Variants in MYO9A observed in about 807,000 individuals in gnomAD.
MYO9A encodes unconventional myosin-IXa.
In MYO9A, 103 loss-of-function variants were observed where a neutral mutation model predicts 293.3. The observed-to-expected ratio is 0.35, with a 90% confidence interval of 0.30 to 0.41. The LOEUF is 0.41. Among genes scored for constraint, MYO9A ranks in the 10% least tolerant of loss-of-function variants. MYO9A has a pLI of 1.00. For synonymous variants in MYO9A, 1,001 were observed against 1,035.7 expected, an observed-to-expected ratio of 0.97 and a Z score of 0.64; for missense variants, 2,685 against 3,033.0, an observed-to-expected ratio of 0.89 and a Z score of 2.69.
chr15:72,066,878 A>G (rs1172899357), intron 1 of MYO9A, among the ~76,000 whole-genome samples: 2 of 152,142 alleles, frequency 1.3e-5, no homozygotes, highest in Non-Finnish European at 1.5e-5. Flanking sequence ...CCGTCTCAAA[A>G]AAAAGAAAAC....
intron 8 of MYO9A, 145 bp downstream of exon 8, chr15:72,007,681 C>T: frequency 5.3e-6 from 4 of 758,714 alleles, no homozygotes; most frequent in Non-Finnish European, 7.7e-6. Flanking sequence ...AAAATTAGAT[C>T]TTTTGGAAAT....
At chr15:72,030,896 C>T (rs1260485365) in intron 3 of MYO9A, among the ~76,000 whole-genome samples, 1 of 152,130 alleles carries the variant, frequency 6.6e-6, no homozygotes, top group African/African-American at 2.4e-5. Context: ...GCCCCAACCC[C>T]CAGGGCATGG....
At chr15:72,066,294 C>G (rs1163134267) in intron 1 of MYO9A, among the ~76,000 whole-genome samples, 1 of 152,010 alleles carries the variant, frequency 6.6e-6, no homozygotes, top group Non-Finnish European at 1.5e-5. Flanking sequence ...CAAGACCATC[C>G]TAGCCAACAT....
Position 71,852,717 on chromosome 15 carries a change from T to C in MYO9A, c.6347-457A>G, listed in dbSNP as rs2055706514. The stretch of plus-strand genomic sequence containing the variant: ...ACCTATTTTCCACAATGTAATTCCA[T>C]GCTTTGGAACTGTGCTTCTAACTGT... On this transcript the variant is annotated intron_variant, in intron 35 of 41. Transcript: ENST00000356056. Among the ~76,000 whole-genome samples the C allele has an allele frequency of 2.6e-5, 4 of 152,226 alleles. No individual in the cohort carries two copies. The South Asian group carries it at 6.2e-4, about 24-fold the overall frequency.
chr15:71,980,007 C>G (rs2076234327), intron 11 of MYO9A, among the ~76,000 whole-genome samples: 1 of 152,000 alleles, frequency 6.6e-6, no homozygotes, highest in African/African-American at 2.4e-5. Context: ...CTTGTTCACC[C>G]ATTCTACTTT....
Position 72,114,790 on chromosome 15 carries a change from G to A in MYO9A, c.-72+2890C>T, listed in dbSNP as rs147200801. Among the ~76,000 whole-genome samples the A allele has an allele frequency of 5.6e-4, 86 of 152,282 alleles. 1 individual carries two copies. In the East Asian group the frequency reaches 0.011, roughly 20 times the overall value. ...GGAATCAATACATTAAGTCAATATT[G>A]TGGTTTTTAAAATGTCTGAAAAGTC... On this transcript the variant is annotated intron_variant, in intron 1 of 41. Coordinates refer to ENST00000356056, the MANE Select transcript of MYO9A (RefSeq NM_006901.4).
At chr15:72,035,628 C>T (rs1172214808) in intron 2 of MYO9A, among the ~76,000 whole-genome samples, 1 of 151,960 alleles carries the variant, frequency 6.6e-6, no homozygotes, top group Non-Finnish European at 1.5e-5. Context: ...CATAGGGAGA[C>T]CTCATCTCTA....
At chr15:71,978,030 C>A in intron 12 of MYO9A, 141 bp downstream of exon 12, 1 of 940,508 alleles carries the variant, frequency 1.1e-6, no homozygotes. Context: ...GATCAAGACT[C>A]CGTCTCAAAA....
intron 28 of MYO9A, among the ~76,000 whole-genome samples, chr15:71,882,000 A>G (rs1223889330): frequency 6.6e-6 from 1 of 152,192 alleles, no homozygotes; most frequent in Non-Finnish European, 1.5e-5. Flanking sequence ...ATAGAAGCAA[A>G]GCCATAAGAT....
At chr15:72,020,253 C>T (rs1440662894) in intron 5 of MYO9A, among the ~76,000 whole-genome samples, 1 of 151,910 alleles carries the variant, frequency 6.6e-6, no homozygotes, top group African/African-American at 2.4e-5. Flanking sequence ...TTACTAATTC[C>T]ATTAGTGCTG....
intron 32 of MYO9A, among the ~76,000 whole-genome samples, chr15:71,870,060 G>A (rs987271535): frequency 6.6e-6 from 1 of 152,146 alleles, no homozygotes; most frequent in Non-Finnish European, 1.5e-5. Flanking sequence ...ATAATGAAAT[G>A]TGAACATATG....
intron 1 of MYO9A, among the ~76,000 whole-genome samples, chr15:72,098,026 AAAGAT>A (rs1334564777): frequency 6.6e-6 from 1 of 152,190 alleles, no homozygotes. Flanking sequence ...TCAGTATAAA[AAAGAT>A]GAGTGGGCAT....
intron 11 of MYO9A, among the ~76,000 whole-genome samples, chr15:71,989,753 T>G (rs2076490870): frequency 6.6e-6 from 1 of 151,212 alleles, no homozygotes; most frequent in Admixed American, 6.6e-5. Flanking sequence ...AGGCCAGGAG[T>G]GGTAGTTCCT....
In MYO9A at chr15:72,046,344, A is replaced by AT. The variant is rs761600255; in HGVS notation, c.219dup (p.Trp74MetfsTer40). ...GGACAATCTGTTGGATTGAGAATCC[A>AT]TTCTTCTCCACCAAATTCCTTTACC... On this transcript the variant is annotated frameshift_variant, in exon 2 of 42. Coordinates refer to ENST00000356056, the MANE Select transcript of MYO9A (RefSeq NM_006901.4). LOFTEE classifies it high-confidence loss of function. The AT allele has an allele frequency of 6.2e-7, 1 of 1,614,008 alleles. No homozygotes were observed. Among genetic ancestry groups the AT allele is most frequent in the South Asian group, 1.1e-5 (1 of 91,086 alleles).
intron 13 of MYO9A, among the ~76,000 whole-genome samples, chr15:71,962,582 G>T (rs1254153294): frequency 6.6e-6 from 1 of 152,138 alleles, no homozygotes; most frequent in Non-Finnish European, 1.5e-5. Flanking sequence ...AACTACTGAT[G>T]GCAGACAAGC....
At chr15:72,100,533 G>A (rs916591163) in intron 1 of MYO9A, among the ~76,000 whole-genome samples, 4 of 145,420 alleles carry the variant, frequency 2.8e-5, no homozygotes, top group Non-Finnish European at 3.0e-5. Flanking sequence ...CTTTCCGGCC[G>A]CCATCACATC....
intron 1 of MYO9A, among the ~76,000 whole-genome samples, chr15:72,089,873 G>C (rs1354231329): frequency 6.6e-6 from 1 of 152,086 alleles, no homozygotes; most frequent in Non-Finnish European, 1.5e-5. Context: ...TCTGGGTTTT[G>C]GTCCTTTTTA....
intron 19 of MYO9A, among the ~76,000 whole-genome samples, chr15:71,915,211 T>TA (rs1390035453): frequency 6.6e-6 from 1 of 152,104 alleles, no homozygotes; most frequent in East Asian, 1.9e-4. Context: ...AAAGTGAACA[T>TA]CCAGACTCTG....
chr15:71,836,265 G>GTA (rs1434838546), intron 39 of MYO9A, among the ~76,000 whole-genome samples: 4 of 151,764 alleles, frequency 2.6e-5, no homozygotes, highest in South Asian at 2.1e-4. Context: ...TGGCCAACAT[G>GTA]TATATATACA....
Sources: gnomAD v4.1 joint callset for allele counts (sites outside exome capture counted in the v4.1 genomes callset) on GRCh38, gnomAD v4.1.1 for gene constraint, MANE v1.5 for transcripts, NCBI Gene and HGNC (gene_info 2026-07-23, HGNC 2026-07-21) for gene names.